Variants in PRKAR1B observed in about 807,000 individuals in gnomAD.
PRKAR1B encodes cAMP-dependent protein kinase type I-beta regulatory subunit.
Under a neutral mutation model 46.5 loss-of-function variants are expected in PRKAR1B, and 22 were observed. The ratio of observed to expected loss-of-function variants is 0.47; its 90% CI spans 0.34 to 0.68. The LOEUF is 0.68. Among genes scored for constraint, PRKAR1B ranks in the 30% least tolerant of loss-of-function variants. The pLI, the probability that PRKAR1B is intolerant of heterozygous loss-of-function variation, is 0.01. For missense variants in PRKAR1B, 445 were observed against 535.6 expected (o/e 0.83, Z 1.67); for synonymous variants, 259 against 217.7 (o/e 1.19, Z -1.67).
chr7:594,754 A>G (rs1461790813), intron 7 of PRKAR1B, among the ~76,000 whole-genome samples: 2 of 151,862 alleles, frequency 1.3e-5, no homozygotes, highest in Admixed American at 6.5e-5. Flanking sequence ...CCCCTAGACC[A>G]TGAGGGGACT....
At chr7:604,693 C>T (rs1323781060) in intron 6 of PRKAR1B, among the ~76,000 whole-genome samples, 2 of 152,204 alleles carry the variant, frequency 1.3e-5, no homozygotes, top group African/African-American at 2.4e-5. Flanking sequence ...CCGCGGCTGC[C>T]ACGGAAACAA....
At chr7:556,570 G>A (rs1039974978) in intron 9 of PRKAR1B, among the ~76,000 whole-genome samples, 9 of 152,184 alleles carry the variant, frequency 5.9e-5, no homozygotes, top group South Asian at 2.1e-4. Flanking sequence ...CAAGACGGCC[G>A]GCAGGGGCCC....
At chr7:670,020 C>T (rs949246974) in intron 4 of PRKAR1B, among the ~76,000 whole-genome samples, 6 of 151,538 alleles carry the variant, frequency 4.0e-5, no homozygotes, top group African/African-American at 1.5e-4. Flanking sequence ...CTCCTGCCAC[C>T]ACGCCCAGCT....
intron 4 of PRKAR1B, among the ~76,000 whole-genome samples, chr7:672,503 C>T (rs1455811609): frequency 6.6e-6 from 1 of 151,718 alleles, no homozygotes; most frequent in Non-Finnish European, 1.5e-5. Context: ...ACCCACCGCA[C>T]TGTTCCCACA....
In PRKAR1B at chr7:549,584, G is replaced by A. The variant is rs34512801; in HGVS notation, c.*846C>T. 6.6e-3 allele frequency: 1,013 copies of A among 152,508 alleles called. 4 individuals are homozygous for A. The highest frequency in any genetic ancestry group is 0.017 in the Middle Eastern group (5 of 296). 9.4% of individuals were successfully genotyped at this position (152,508 alleles called of 1,614,324 possible). On this transcript the variant is annotated 3_prime_UTR_variant, in exon 11 of 11. Transcript: ENST00000537384. ...AAGGGACAAGTCGGTTGAGCGGGTC[G>A]GGGCGTGTGGGGCCCGCGGCTGGCT...
chr7:584,457 C>T, intron 8 of PRKAR1B, 51 bp downstream of exon 8: 1 of 1,546,556 alleles, frequency 6.5e-7, no homozygotes, highest in Non-Finnish European at 8.9e-7. Flanking sequence ...GGGTGGCCAG[C>T]AGGCGCCCAG....
chr7:604,794 G>A lies in PRKAR1B; in HGVS notation c.549+1399C>T, dbSNP rs753997865. Among the ~76,000 whole-genome samples, 3 of 152,168 alleles carry A rather than the reference G, an allele frequency of 2.0e-5. No homozygotes were observed. In the East Asian group the frequency reaches 5.8e-4, roughly 29 times the overall value. ...TCGAAATAGCTCGTGCTGGGCAGCC[G>A]GGGGTGGCGTTGCCTGCACGGAAGA... On this transcript the variant is annotated intron_variant, in intron 6 of 10. Transcript: ENST00000537384.
intron 6 of PRKAR1B, among the ~76,000 whole-genome samples, chr7:601,826 C>T (rs1781620687): frequency 6.6e-6 from 1 of 151,868 alleles, no homozygotes; most frequent in Non-Finnish European, 1.5e-5. Flanking sequence ...CTCAGACATC[C>T]TGGCTCTGGA....
intron 4 of PRKAR1B, among the ~76,000 whole-genome samples, chr7:649,979 A>ATTT (rs762320346): frequency 1.5e-5 from 2 of 135,274 alleles, no homozygotes; most frequent in Non-Finnish European, 1.6e-5. Context: ...GGCCCAGCTA[A>ATTT]TTTTTTTTTT....
At position 667,266 on chromosome 7, in the gene PRKAR1B, T is replaced by C. The variant is rs530449786; in HGVS notation, c.440+9963A>G. Among the ~76,000 whole-genome samples the C allele has an allele frequency of 8.5e-5, 13 of 152,264 alleles. No homozygotes were observed. In the East Asian group the frequency reaches 1.7e-3, roughly 20 times the overall value. On this transcript the variant is annotated intron_variant, in intron 4 of 10. Coordinates refer to ENST00000537384, the MANE Select transcript of PRKAR1B (RefSeq NM_001164760.2). This position sits in a 1 kb window ranked among gnomAD's most constrained non-coding sequence, Gnocchi z 4.3. ...GATGGTGGTGATAACAGTACACACATAGATATTCTTGCTTTATATTCTCAC... is the reference window on the plus strand; with the variant it reads ...GATGGTGGTGATAACAGTACACACACAGATATTCTTGCTTTATATTCTCAC...
intron 9 of PRKAR1B, among the ~76,000 whole-genome samples, chr7:574,183 G>C (rs879770747): frequency 6.6e-6 from 1 of 152,254 alleles, no homozygotes; most frequent in African/African-American, 2.4e-5. Context: ...AGTGAATAAT[G>C]GGTGATTGTC....
At chr7:657,339 G>GA (rs1785266340) in intron 4 of PRKAR1B, among the ~76,000 whole-genome samples, 2 of 152,060 alleles carry the variant, frequency 1.3e-5, no homozygotes, top group Non-Finnish European at 2.9e-5. Context: ...ATGCATGAGT[G>GA]AATGTGTGGA....
intron 9 of PRKAR1B, among the ~76,000 whole-genome samples, chr7:554,266 T>C (rs1238509034): frequency 1.3e-5 from 2 of 152,260 alleles, no homozygotes; most frequent in Non-Finnish European, 2.9e-5. Flanking sequence ...AAAATTTGGT[T>C]AGCTGGGGTC....
At chr7:657,183 G>A (rs1402963228) in intron 4 of PRKAR1B, among the ~76,000 whole-genome samples, 2 of 152,238 alleles carry the variant, frequency 1.3e-5, no homozygotes, top group South Asian at 2.1e-4. Flanking sequence ...ATGAGTGAAT[G>A]TGTGGATGGG....
At chr7:686,049 C>T (rs908590770) in intron 2 of PRKAR1B, among the ~76,000 whole-genome samples, 1 of 152,056 alleles carries the variant, frequency 6.6e-6, no homozygotes, top group Admixed American at 6.6e-5. Context: ...ACCTGTAATC[C>T]CAGCACTTTG....
intron 6 of PRKAR1B, among the ~76,000 whole-genome samples, chr7:601,819 A>G (rs534540180): frequency 1.3e-5 from 2 of 152,124 alleles, no homozygotes; most frequent in East Asian, 3.9e-4. Context: ...CACGGGGCTC[A>G]GACATCCTGG....
chr7:728,109 C>T (rs1404974100), upstream of PRKAR1B, among the ~76,000 whole-genome samples: 3 of 152,116 alleles, frequency 2.0e-5, no homozygotes, highest in Admixed American at 1.3e-4. Context: ...CACTTTATAA[C>T]GTTCCCCATC....
At chr7:652,813 T>C (rs1784981377) in intron 4 of PRKAR1B, among the ~76,000 whole-genome samples, 2 of 152,254 alleles carry the variant, frequency 1.3e-5, no homozygotes, top group East Asian at 3.8e-4. Flanking sequence ...TGGTTATTTA[T>C]TGTTACATAA....
intron 2 of PRKAR1B, among the ~76,000 whole-genome samples, chr7:702,647 C>A (rs551994534): frequency 7.2e-4 from 109 of 152,174 alleles, no homozygotes; most frequent in Middle Eastern, 3.4e-3. Flanking sequence ...CACGGTGAAA[C>A]CCTGTCTCTA....
Sources: gnomAD v4.1 joint callset for allele counts (sites outside exome capture counted in the v4.1 genomes callset) on GRCh38, gnomAD v4.1.1 for gene constraint, Gnocchi (gnomAD v3.1) non-coding constraint, MANE v1.5 for transcripts, NCBI Gene and HGNC (gene_info 2026-07-23, HGNC 2026-07-21) for gene names.